SCAPER: variants seen among roughly 807,000 people sequenced by gnomAD.
SCAPER encodes the protein S phase cyclin A-associated protein in the endoplasmic reticulum.
Under a neutral mutation model 182.2 loss-of-function variants are expected in SCAPER, and 98 were observed. That is an observed-to-expected ratio of 0.54 (90% CI 0.46 to 0.64). The LOEUF (loss-of-function observed/expected upper bound fraction) is 0.64. Ranked by LOEUF, SCAPER falls within the 30% of genes least tolerant of loss-of-function variation. SCAPER has a pLI of 0.00. For synonymous variants in SCAPER, 605 were observed against 564.6 expected (o/e 1.07, Z -1.01); for missense variants, 1,432 against 1,690.0 (o/e 0.85, Z 2.68).
intron 20 of SCAPER, among the ~76,000 whole-genome samples, chr15:76,676,077 G>A (rs1046175968): frequency 3.3e-5 from 5 of 152,092 alleles, no homozygotes; most frequent in Admixed American, 1.3e-4. Context: ...CACCCACCTC[G>A]GCCTTCCAAA....
intron 4 of SCAPER, among the ~76,000 whole-genome samples, chr15:76,855,642 C>A (rs767417363): frequency 6.6e-6 from 1 of 152,026 alleles, no homozygotes; most frequent in Admixed American, 6.5e-5. Context: ...AGAAGTCATA[C>A]ATGCAGCCGA....
rs147677082 is a variant in SCAPER at position 76,399,266 on chromosome 15, C to A, written c.3467+5258G>T. Among the ~76,000 whole-genome samples the A allele has an allele frequency of 4.8e-3, 723 of 152,144 alleles. 7 individuals are homozygous for A. Among genetic ancestry groups the A allele is most frequent in the African/African-American group, 0.017 (697 of 41,526 alleles). ...AATTCTCCTGCCTCAGCCTCCCAAA[C>A]AGCTGGGATTACAGGTGCCTGCCAC... is the stretch of plus-strand genomic sequence containing the variant. On this transcript the variant is annotated intron_variant, in intron 27 of 31. Transcript: ENST00000563290.
intron 3 of SCAPER, among the ~76,000 whole-genome samples, chr15:76,861,338 T>A (rs1028811022): frequency 1.1e-4 from 17 of 152,210 alleles, no homozygotes; most frequent in African/African-American, 3.6e-4. Context: ...AAGCAATTGA[T>A]TAAATTAACG....
chr15:76,791,046 G>A (rs751889349), intron 8 of SCAPER, among the ~76,000 whole-genome samples: 12 of 152,016 alleles, frequency 7.9e-5, no homozygotes, highest in African/African-American at 4.8e-5. Flanking sequence ...TCTCTGACTC[G>A]ATGAGTTATC....
intron 7 of SCAPER, among the ~76,000 whole-genome samples, chr15:76,797,800 C>A (rs138000983): frequency 4.1e-4 from 63 of 152,094 alleles, no homozygotes; most frequent in African/African-American, 1.5e-3. Flanking sequence ...ATACAGACGT[C>A]ACAGAATGAG....
chr15:76,719,319 T>A (rs1464651516), intron 17 of SCAPER, among the ~76,000 whole-genome samples: 1 of 152,118 alleles, frequency 6.6e-6, no homozygotes, highest in Non-Finnish European at 1.5e-5. Flanking sequence ...CTCACTTATA[T>A]GTGAAATCTT....
At chr15:76,888,600 A>G (rs2073991670) in intron 1 of SCAPER, among the ~76,000 whole-genome samples, 1 of 152,228 alleles carries the variant, frequency 6.6e-6, no homozygotes, top group Non-Finnish European at 1.5e-5. Flanking sequence ...AATTAATGAA[A>G]TGAAGTAAGA....
chr15:76,835,421 T>C (rs1171868101), intron 5 of SCAPER, among the ~76,000 whole-genome samples: 1 of 152,098 alleles, frequency 6.6e-6, no homozygotes, highest in Non-Finnish European at 1.5e-5. Flanking sequence ...ATCCACCACA[T>C]AAACAGAACT....
At chr15:76,827,970 G>A (rs2068147075) in intron 5 of SCAPER, among the ~76,000 whole-genome samples, 1 of 152,060 alleles carries the variant, frequency 6.6e-6, no homozygotes, top group Non-Finnish European at 1.5e-5. Context: ...GGCCATGAGG[G>A]CTCTGCTCTC....
chr15:76,763,739 T>C (rs1405432831), intron 14 of SCAPER, among the ~76,000 whole-genome samples: 2 of 152,176 alleles, frequency 1.3e-5, no homozygotes, highest in African/African-American at 2.4e-5. Flanking sequence ...ACTGAGTCTG[T>C]TGCTGAAGCT....
Position 76,779,856 on chromosome 15 carries a change from T to C in SCAPER, c.773-4739A>G, listed in dbSNP as rs138005037. ...TTATAAGCTATGACCAAGTGAAATT[T>C]ATTTCAGATATGCCATCCCAGTTCA... is the stretch of plus-strand genomic sequence containing the variant. On this transcript the variant is annotated intron_variant, in intron 8 of 31. Coordinates refer to ENST00000563290, the MANE Select transcript of SCAPER (RefSeq NM_020843.4). Among the ~76,000 whole-genome samples the C allele has an allele frequency of 1.2e-4, 18 of 152,342 alleles. No homozygotes were observed. The East Asian group carries it at 3.3e-3, about 28-fold the overall frequency.
At chr15:76,434,336 T>C in intron 25 of SCAPER, 26 bp from the exon 26 acceptor site, 1 of 1,517,348 alleles carries the variant, frequency 6.6e-7, no homozygotes, top group Non-Finnish European at 9.0e-7. Flanking sequence ...GTACAGTAAA[T>C]ATGTTTCAAT....
intron 26 of SCAPER, among the ~76,000 whole-genome samples, chr15:76,420,221 A>G (rs928644818): frequency 1.4e-5 from 2 of 146,902 alleles, no homozygotes; most frequent in Non-Finnish European, 1.5e-5. Context: ...TCACCCCTCT[A>G]TAGATGTTTT....
intron 24 of SCAPER, among the ~76,000 whole-genome samples, chr15:76,498,883 T>C (rs943273376): frequency 6.6e-6 from 1 of 152,074 alleles, no homozygotes; most frequent in Non-Finnish European, 1.5e-5. Flanking sequence ...ATTTGATGAG[T>C]ATTGCTTGGT....
At chr15:76,367,564 C>T (rs996082267) in intron 29 of SCAPER, among the ~76,000 whole-genome samples, 4 of 152,176 alleles carry the variant, frequency 2.6e-5, no homozygotes, top group African/African-American at 9.7e-5. Flanking sequence ...GCAGCAGCCC[C>T]TCAGGCTGGC....
At chr15:76,866,935 T>C (rs1029875966) in intron 2 of SCAPER, among the ~76,000 whole-genome samples, 1 of 152,102 alleles carries the variant, frequency 6.6e-6, no homozygotes, top group Non-Finnish European at 1.5e-5. Context: ...GTATGGAGAT[T>C]TTACAGAGGC....
intron 25 of SCAPER, among the ~76,000 whole-genome samples, chr15:76,442,885 A>C (rs2047714067): frequency 6.6e-6 from 1 of 152,166 alleles, no homozygotes; most frequent in African/African-American, 2.4e-5. Flanking sequence ...GTAGGTCTTT[A>C]TTTATGAGTA....
intron 26 of SCAPER, among the ~76,000 whole-genome samples, chr15:76,433,734 C>T (rs530195636): frequency 2.6e-5 from 4 of 152,214 alleles, no homozygotes; most frequent in African/African-American, 4.8e-5. Context: ...TTTAAAAAAT[C>T]CATTGTGCTC....
At chr15:76,825,148 A>G (rs1028912472) in intron 5 of SCAPER, among the ~76,000 whole-genome samples, 6 of 152,196 alleles carry the variant, frequency 3.9e-5, no homozygotes, top group African/African-American at 1.4e-4. Flanking sequence ...TGCCTGGAAT[A>G]TTCTCCCAAT....
Sources: gnomAD v4.1 joint callset for allele counts (sites outside exome capture counted in the v4.1 genomes callset) on GRCh38, gnomAD v4.1.1 for gene constraint, MANE v1.5 for transcripts, NCBI Gene and HGNC (gene_info 2026-07-23, HGNC 2026-07-21) for gene names.